ELMOD3: variants seen among roughly 807,000 people sequenced by gnomAD.
ELMOD3 encodes ELMO domain-containing protein 3.
A neutral mutation model predicts 47.4 loss-of-function variants in ELMOD3; 36 were observed. That is an observed-to-expected ratio of 0.76 (90% CI 0.58 to 1.00). The LOEUF (loss-of-function observed/expected upper bound fraction) is 1.00. ELMOD3 is among the 50% of genes least tolerant of loss of function. The pLI is 0.00. For missense variants in ELMOD3, 404 were observed against 463.8 expected (o/e 0.87, Z 1.18); for synonymous variants, 149 against 183.5 (o/e 0.81, Z 1.52).
At chr2:85,383,456 A>C (rs770707714) in intron 11 of ELMOD3, among the ~76,000 whole-genome samples, 8 of 152,008 alleles carry the variant, frequency 5.3e-5, no homozygotes, top group South Asian at 2.1e-4. Flanking sequence ...GGATTGCTAC[A>C]TTTTGCTACT....
At chr2:85,371,718 G>A (rs1482090995) in intron 10 of ELMOD3, 156 bp downstream of exon 10, 8 of 1,083,678 alleles carry the variant, frequency 7.4e-6, no homozygotes, top group Admixed American at 2.6e-5. Context: ...CTGAGGGGGC[G>A]CCTGCTAGTT....
intron 4 of ELMOD3, 148 bp downstream of exon 4, chr2:85,357,400 C>G (rs1683639151): frequency 2.1e-6 from 1 of 471,852 alleles, no homozygotes; most frequent in Admixed American, 4.1e-5. Flanking sequence ...TTCTATTCAC[C>G]TCAGGGTCAA....
Position 85,390,196 on chromosome 2 carries a change from T to C in ELMOD3, c.874T>C (p.Phe292Leu), listed in dbSNP as rs1208419979. 1 of 1,614,056 alleles carries C rather than the reference T, an allele frequency of 6.2e-7. No homozygotes were observed. Among genetic ancestry groups the C allele is most frequent in the Non-Finnish European group, 8.5e-7 (1 of 1,180,028 alleles). ...GGTGAACAGCTTCTATGCCGCCACATTCCTCCACCTCGCACATGTCTGGAG... is the reference window on the plus strand; with the variant it reads ...GGTGAACAGCTTCTATGCCGCCACACTCCTCCACCTCGCACATGTCTGGAG... ...PVVNSFYAAT[F>L]LHLAHVWRTQ... The change falls in exon 13 of 14, where the codon TTC becomes CTC. Residue 292 changes from phenylalanine to leucine, a missense_variant. Phe to Leu is a conservative substitution (Grantham distance 22). Transcript: ENST00000409013.
In ELMOD3 at chr2:85,371,498, G is replaced by A; in HGVS notation, c.543G>A (p.Lys181=). The A allele has an allele frequency of 6.2e-7, 1 of 1,614,224 alleles. No individual in the cohort carries two copies. The highest frequency in any genetic ancestry group is 1.1e-5 in the South Asian group (1 of 91,084). Residue 181 remains lysine, a synonymous_variant, in exon 10 of 14, where the codon AAG becomes AAA. Coordinates refer to ENST00000409013, the MANE Select transcript of ELMOD3 (RefSeq NM_001135022.2). ...HGRVLQTIYK[K]LTGSKFDCAL... Reference sequence around the variant, plus strand: ...GAGTCCTCCAGACCATCTATAAGAAGCTGACCGGCTCCAAGTTTGACTGTG... The same window carrying A: ...GAGTCCTCCAGACCATCTATAAGAAACTGACCGGCTCCAAGTTTGACTGTG...
chr2:85,373,156 G>A (rs1317249752), intron 10 of ELMOD3, among the ~76,000 whole-genome samples: 1 of 151,628 alleles, frequency 6.6e-6, no homozygotes, highest in Non-Finnish European at 1.5e-5. Context: ...TCAGGAGGCT[G>A]AGGCAGGAGA....
intron 6 of ELMOD3, among the ~76,000 whole-genome samples, chr2:85,367,085 G>T (rs954821998): frequency 3.0e-4 from 46 of 152,082 alleles, no homozygotes; most frequent in African/African-American, 1.1e-3. Flanking sequence ...CCCTTATATT[G>T]TGCTTTCATT....
intron 10 of ELMOD3, among the ~76,000 whole-genome samples, chr2:85,375,468 C>G (rs916005361): frequency 1.6e-4 from 25 of 152,162 alleles, no homozygotes; most frequent in African/African-American, 6.0e-4. Context: ...TCTCCGTTCT[C>G]CTGTTGACCC....
chr2:85,362,368 T>G, intron 5 of ELMOD3, 108 bp downstream of exon 5: 1 of 763,716 alleles, frequency 1.3e-6, no homozygotes, highest in Non-Finnish European at 2.4e-6. Flanking sequence ...GGCATAGACC[T>G]TAGCTTCCAA....
rs1369532714 is a variant in ELMOD3, at chr2:85,357,165, G to C, written c.-34G>C. The C allele has an allele frequency of 3.2e-6, 5 of 1,555,026 alleles. No individual in the cohort carries two copies. In the East Asian group the frequency reaches 1.1e-4, roughly 35 times the overall value. ...TTACTAAAATGCTTTCTGGGCCCAA[G>C]GACAAAGCTCACATGAACAAATGAT... On this transcript the variant is annotated 5_prime_UTR_variant, in exon 4 of 14. Transcript: ENST00000409013.
chr2:85,379,164 A>G (rs1685375418), intron 11 of ELMOD3, among the ~76,000 whole-genome samples: 1 of 152,336 alleles, frequency 6.6e-6, no homozygotes, highest in East Asian at 1.9e-4. Flanking sequence ...AAAATGGAAA[A>G]AAAAAGGAGG....
At chr2:85,385,223 G>C (rs1355646983) in intron 11 of ELMOD3, among the ~76,000 whole-genome samples, 1 of 152,174 alleles carries the variant, frequency 6.6e-6, no homozygotes, top group East Asian at 1.9e-4. Context: ...ATGAGTAGTA[G>C]GGAAGCCACC....
intron 11 of ELMOD3, 89 bp from the exon 12 acceptor site, chr2:85,389,662 T>G: frequency 9.6e-7 from 1 of 1,044,788 alleles, no homozygotes. Context: ...TCTGGGGCTG[T>G]GCTTGCCTGC....
chr2:85,375,207 G>C (rs1187460466), intron 10 of ELMOD3, among the ~76,000 whole-genome samples: 1 of 152,190 alleles, frequency 6.6e-6, no homozygotes, highest in African/African-American at 2.4e-5. Flanking sequence ...CTGTAGGTTT[G>C]TGTCTTTTGC....
intron 6 of ELMOD3, chr2:85,368,461 GA>G: frequency 1.9e-6 from 1 of 524,696 alleles, no homozygotes; most frequent in Non-Finnish European, 3.4e-6. Context: ...CTAAGGAAGG[GA>G]AAACTGGCCC....
At chr2:85,362,119 ACAT>A in intron 4 of ELMOD3, 64 bp from the exon 5 acceptor site, 1 of 989,242 alleles carries the variant, frequency 1.0e-6, no homozygotes, top group Non-Finnish European at 1.6e-6. Flanking sequence ...AAAAAGTATG[ACAT>A]TTAAACTATT....
chr2:85,388,429 G>C (rs780391027), intron 11 of ELMOD3, among the ~76,000 whole-genome samples: 3 of 152,198 alleles, frequency 2.0e-5, no homozygotes, highest in African/African-American at 7.2e-5. Context: ...CAGGCCTGCT[G>C]TGTTAACTTT....
chr2:85,389,492 A>G (rs888070343), intron 11 of ELMOD3: 61 of 544,748 alleles, frequency 1.1e-4, no homozygotes, highest in Admixed American at 4.9e-4. Flanking sequence ...CACGGGGGTT[A>G]TGCACATCAG....
At chr2:85,389,960 T>C in intron 12 of ELMOD3, 133 bp downstream of exon 12, 1 of 1,059,626 alleles carries the variant, frequency 9.4e-7, no homozygotes, top group Non-Finnish European at 1.5e-6. Context: ...CATGCACCGG[T>C]CTCCCCAGGA....
At chr2:85,358,281 A>G (rs1331446784) in intron 4 of ELMOD3, among the ~76,000 whole-genome samples, 1 of 142,442 alleles carries the variant, frequency 7.0e-6, no homozygotes, top group African/African-American at 2.8e-5. Flanking sequence ...TCTGTCTCCA[A>G]AAAAAAAAAA....
Sources: gnomAD v4.1 joint callset for allele counts (sites outside exome capture counted in the v4.1 genomes callset) on GRCh38, gnomAD v4.1.1 for gene constraint, MANE v1.5 for transcripts, NCBI Gene and HGNC (gene_info 2026-07-23, HGNC 2026-07-21) for gene names.